Variants in KHDRBS2 observed in about 807,000 individuals in gnomAD.
KHDRBS2 encodes the protein KH domain-containing, RNA-binding, signal transduction-associated protein 2.
KHDRBS2 carries 26 observed loss-of-function variants against 44.3 expected under a neutral mutation model. The ratio of observed to expected loss-of-function variants is 0.59; its 90% CI spans 0.43 to 0.81. The LOEUF (loss-of-function observed/expected upper bound fraction) is 0.81. Among genes scored for constraint, KHDRBS2 ranks in the 40% least tolerant of loss-of-function variants. KHDRBS2 has a pLI of 0.00. For missense variants in KHDRBS2, 476 were observed against 433.1 expected (o/e 1.10, Z -0.88); for synonymous variants, 194 against 151.1 (o/e 1.28, Z -2.08).
intron 3 of KHDRBS2, among the ~76,000 whole-genome samples, chr6:61,979,001 T>G (rs1398808519): frequency 6.6e-6 from 1 of 152,140 alleles, no homozygotes; most frequent in African/African-American, 2.4e-5. Context: ...AGACTTTTCC[T>G]AGTATTGTGC....
chr6:61,950,169 C>G (rs1764449479), intron 4 of KHDRBS2, among the ~76,000 whole-genome samples: 1 of 152,042 alleles, frequency 6.6e-6, no homozygotes, highest in African/African-American at 2.4e-5. Context: ...TAGGAAAAGA[C>G]TCTCTGTGTG....
chr6:61,815,826 A>G (rs1397267620), intron 6 of KHDRBS2, among the ~76,000 whole-genome samples: 1 of 152,212 alleles, frequency 6.6e-6, no homozygotes, highest in Non-Finnish European at 1.5e-5. Context: ...GGTACTTACC[A>G]TAATACCATA....
intron 2 of KHDRBS2, among the ~76,000 whole-genome samples, chr6:62,092,923 C>T (rs1799752036): frequency 6.6e-6 from 1 of 152,106 alleles, no homozygotes; most frequent in South Asian, 2.1e-4. Context: ...CATCAAGAAT[C>T]ATCAGACAGG....
chr6:61,781,904 A>G lies in KHDRBS2; in HGVS notation c.811-49140T>C, dbSNP rs1257839399. ...AATGAATTGTGTCTAGGGAATGGAA[A>G]CATGATACTGAGCACCTATAATGAT... On this transcript the variant is annotated intron_variant, in intron 6 of 8. Coordinates refer to ENST00000281156, the MANE Select transcript of KHDRBS2 (RefSeq NM_152688.4). 3.3e-5 allele frequency among the ~76,000 whole-genome samples: 5 copies of G among 152,212 alleles called. No homozygotes were observed. The East Asian group carries it at 9.6e-4, about 29-fold the overall frequency.
chr6:61,989,039 G>T (rs959973059), intron 3 of KHDRBS2, among the ~76,000 whole-genome samples: 64 of 152,272 alleles, frequency 4.2e-4, no homozygotes, highest in African/African-American at 1.5e-3. Context: ...ACCATGTACA[G>T]ACAAATACAA....
intron 6 of KHDRBS2, among the ~76,000 whole-genome samples, chr6:61,742,012 C>T (rs1402110612): frequency 6.6e-6 from 1 of 151,684 alleles, no homozygotes; most frequent in African/African-American, 2.4e-5. Context: ...TATTCTTATG[C>T]AGTTGAGAGA....
intron 3 of KHDRBS2, among the ~76,000 whole-genome samples, chr6:61,998,675 C>G (rs1414964430): frequency 1.3e-5 from 2 of 151,972 alleles, no homozygotes; most frequent in South Asian, 2.1e-4. Context: ...TTTGTTTTCT[C>G]CTTTGTCCTT....
At chr6:61,693,513 T>C (rs1027478095) in intron 8 of KHDRBS2, among the ~76,000 whole-genome samples, 3 of 152,182 alleles carry the variant, frequency 2.0e-5, no homozygotes, top group African/African-American at 7.2e-5. Flanking sequence ...TTTTTGGCTG[T>C]GCAAAAAGAG....
At chr6:61,615,268 A>T in the KHDRBS2 span, among the ~76,000 whole-genome samples, 1 of 151,374 alleles carries the variant, frequency 6.6e-6, no homozygotes, top group Non-Finnish European at 1.5e-5. Flanking sequence ...AAAAAGAAAA[A>T]AAACAAGAAG....
chr6:61,672,581 T>A, the KHDRBS2 span, among the ~76,000 whole-genome samples: 1 of 152,076 alleles, frequency 6.6e-6, no homozygotes, highest in Admixed American at 6.6e-5. Flanking sequence ...TTGATTTGCA[T>A]TTCTCTGATG....
At chr6:61,763,995 G>A (rs1033116067) in intron 6 of KHDRBS2, among the ~76,000 whole-genome samples, 36 of 151,278 alleles carry the variant, frequency 2.4e-4, no homozygotes, top group African/African-American at 8.5e-4. Flanking sequence ...CCCTCCCCTT[G>A]ACAGTTTCCA....
At chr6:61,861,914 G>T (rs1466649152) in intron 6 of KHDRBS2, among the ~76,000 whole-genome samples, 1 of 152,070 alleles carries the variant, frequency 6.6e-6, no homozygotes, top group Non-Finnish European at 1.5e-5. Flanking sequence ...AGTTCTCCTT[G>T]AAGAAGTCCT....
intron 3 of KHDRBS2, among the ~76,000 whole-genome samples, chr6:62,025,950 T>C (rs942345108): frequency 2.6e-5 from 4 of 152,130 alleles, no homozygotes; most frequent in Non-Finnish European, 5.9e-5. Flanking sequence ...TGACATTGTA[T>C]GTTTCTCTCA....
chr6:62,246,056 A>G (rs546189745), intron 1 of KHDRBS2, among the ~76,000 whole-genome samples: 9 of 148,566 alleles, frequency 6.1e-5, no homozygotes, highest in Non-Finnish European at 1.2e-4. Context: ...AGGAGAATAT[A>G]GTATTTTATG....
At position 62,151,148 on chromosome 6, in the gene KHDRBS2, C is replaced by T. The variant is rs114169756; in HGVS notation, c.219+26037G>A. On this transcript the variant is annotated intron_variant, in intron 2 of 8. Coordinates refer to ENST00000281156, the MANE Select transcript of KHDRBS2 (RefSeq NM_152688.4). Reference sequence around the variant, plus strand: ...TTAGCCATGTACTATCGATCACATACTATTGATGAATTGCCGAGATATTTA... The same window carrying T: ...TTAGCCATGTACTATCGATCACATATTATTGATGAATTGCCGAGATATTTA... Among the ~76,000 whole-genome samples the T allele has an allele frequency of 7.9e-3, 1,210 of 152,294 alleles. 16 individuals are homozygous for T. Among genetic ancestry groups the T allele is most frequent in the African/African-American group, 0.028 (1,146 of 41,560 alleles).
At chr6:62,231,574 C>G (rs544014320) in intron 1 of KHDRBS2, among the ~76,000 whole-genome samples, 4 of 152,192 alleles carry the variant, frequency 2.6e-5, no homozygotes, top group African/African-American at 9.6e-5. Flanking sequence ...AACCATATTA[C>G]CCCGCAATAT....
the KHDRBS2 span, among the ~76,000 whole-genome samples, chr6:61,612,441 C>G: frequency 6.6e-6 from 1 of 152,134 alleles, no homozygotes; most frequent in Non-Finnish European, 1.5e-5. Context: ...ATATTGCTAT[C>G]TATGTGGCAC....
intron 6 of KHDRBS2, among the ~76,000 whole-genome samples, chr6:61,778,352 A>G (rs1190502271): frequency 6.6e-6 from 1 of 152,088 alleles, no homozygotes; most frequent in Non-Finnish European, 1.5e-5. Flanking sequence ...ATAAATCTTT[A>G]TCATAACTCA....
intron 1 of KHDRBS2, among the ~76,000 whole-genome samples, chr6:62,267,193 C>T (rs370838660): frequency 1.3e-5 from 2 of 151,966 alleles, no homozygotes; most frequent in African/African-American, 2.4e-5. Context: ...GCAAAAATTC[C>T]GGGGTTTCTC....
Sources: allele counts gnomAD v4.1 joint callset (sites outside exome capture counted in the v4.1 genomes callset), GRCh38; gene constraint gnomAD v4.1.1; transcripts MANE v1.5; gene names NCBI Gene and HGNC (gene_info 2026-07-23, HGNC 2026-07-21).